Variants in CEACAM18 observed in about 807,000 individuals in gnomAD.
CEACAM18 encodes the protein CEA cell adhesion molecule 18.
CEACAM18 carries 33 observed loss-of-function variants against 34.3 expected under a neutral mutation model. The ratio of observed to expected loss-of-function variants is 0.96; its 90% confidence interval spans 0.73 to 1.29. CEACAM18 has a LOEUF of 1.29. Ranked by LOEUF, CEACAM18 falls within the 50% of genes most tolerant of loss-of-function variation. The probability of loss-of-function intolerance (pLI) is 0.00; values close to 1 mark genes in which losing one functional copy is unlikely to be tolerated. For missense variants in CEACAM18, 474 were observed against 485.0 expected, an observed-to-expected ratio of 0.98 and a Z score of 0.21; for synonymous variants, 169 against 180.9, an observed-to-expected ratio of 0.93 and a Z score of 0.53.
At chr19:51,485,494 C>A (rs76026565) in intron 5 of CEACAM18, among the ~76,000 whole-genome samples, 2,079 of 152,276 alleles carry the variant, frequency 0.014, 27 homozygotes, top group Middle Eastern at 0.082. Context: ...CAGGTATCAG[C>A]GGTGAACTAT....
In CEACAM18 at chr19:51,481,344, G is replaced by A. The variant is rs1599942466; in HGVS notation, c.401-49G>A. On this transcript the variant is annotated intron_variant, in intron 2 of 5. Transcript: ENST00000396477. ...GTCCCCTGGAGAGGAGCAGAGCTTG[G>A]GGAAGCAGACCCCACTTGTAATTTT... The A allele has an allele frequency of 4.6e-6, 5 of 1,078,496 alleles. No homozygotes were observed. In the East Asian group the frequency reaches 1.4e-4, roughly 30 times the overall value. 66.8% of individuals were successfully genotyped at this position (1,078,496 alleles called of 1,614,324 possible).
chr19:51,490,680 G>T lies in CEACAM18; in HGVS notation c.*28G>T, dbSNP rs1361956283. On this transcript the variant is annotated 3_prime_UTR_variant, in exon 6 of 6. Coordinates refer to ENST00000396477, the Ensembl canonical transcript of CEACAM18. ...AGAGGGTGATGGAGAAGGGCTGGGG[G>T]TCCCCATAGGGCCAGCGAGGCTGAA... 3 of 1,182,718 alleles carry T rather than the reference G, an allele frequency of 2.5e-6. No individual in the cohort carries two copies. The Admixed American group carries it at 1.3e-4, about 50-fold the overall frequency. The allele number at this position is 1,182,718 out of a possible 1,614,324, so 73.3% of individuals were successfully genotyped here. A position where few individuals can be genotyped will look rare whatever the true frequency, so the allele number is the denominator to read the frequency against.
intron 2 of CEACAM18, 51 bp downstream of exon 2, chr19:51,480,731 A>G: frequency 6.6e-7 from 1 of 1,504,654 alleles, no homozygotes; most frequent in Admixed American, 1.9e-5. Context: ...GCTAGATGTG[A>G]CACATTTGAG....
exon 2 of CEACAM18, chr19:51,480,338 C>A: frequency 1.2e-6 from 2 of 1,604,286 alleles, no homozygotes; most frequent in South Asian, 2.2e-5. Flanking sequence ...TTCAGCCAGT[C>A]TGCTGGCCTG....
chr19:51,489,593 G>A (rs1293375348), intron 5 of CEACAM18, among the ~76,000 whole-genome samples: 1 of 152,086 alleles, frequency 6.6e-6, no homozygotes, highest in Non-Finnish European at 1.5e-5. Context: ...TTTAGATATT[G>A]AGCCTATTTA....
chr19:51,488,053 C>T (rs1427628919), intron 5 of CEACAM18, among the ~76,000 whole-genome samples: 4 of 152,076 alleles, frequency 2.6e-5, no homozygotes, highest in Non-Finnish European at 5.9e-5. Context: ...CCAAACAAAA[C>T]CAGAAAAAGT....
chr19:51,490,763 C>A, exon 6 of CEACAM18: 1 of 533,316 alleles, frequency 1.9e-6, no homozygotes, highest in Non-Finnish European at 2.9e-6. Flanking sequence ...CCCAGTCACA[C>A]GGAAGCCTGG....
chr19:51,480,252 GGT>G (rs1989886866), intron 1 of CEACAM18, 79 bp from the exon 2 acceptor site: 5 of 1,159,760 alleles, frequency 4.3e-6, no homozygotes, highest in Non-Finnish European at 6.0e-6. Flanking sequence ...GTTCCCGGAT[GGT>G]GTCTTTTTTC....
chr19:51,490,522 T>C, intron 5 of CEACAM18, 65 bp from the exon 6 acceptor site: 1 of 1,222,042 alleles, frequency 8.2e-7, no homozygotes, highest in Non-Finnish European at 1.0e-6. Flanking sequence ...CCTCTCTCTA[T>C]CCAGGACTCT....
chr19:51,488,323 C>T (rs942134928), intron 5 of CEACAM18, among the ~76,000 whole-genome samples: 1 of 152,198 alleles, frequency 6.6e-6, no homozygotes, highest in African/African-American at 2.4e-5. Context: ...TGTGTACCAA[C>T]CCTTGTTCCA....
At position 51,479,389 on chromosome 19, in the gene CEACAM18, T is replaced by C. The variant is rs533411581; in HGVS notation, c.52+695T>C. Among the ~76,000 whole-genome samples, 4 of 152,322 alleles carry C rather than the reference T, an allele frequency of 2.6e-5. No homozygotes were observed. In the East Asian group the frequency reaches 7.7e-4, roughly 29 times the overall value. On this transcript the variant is annotated intron_variant, in intron 1 of 5. Coordinates refer to ENST00000396477, the Ensembl canonical transcript of CEACAM18. ...ATTTAGATGCAAAATCAAAGACATGTAGAAATTCTCGGGGGAGTATTTCTC... is the reference window on the plus strand; with the variant it reads ...ATTTAGATGCAAAATCAAAGACATGCAGAAATTCTCGGGGGAGTATTTCTC...
exon 2 of CEACAM18, chr19:51,480,536 C>G: frequency 6.2e-7 from 1 of 1,613,974 alleles, no homozygotes; most frequent in East Asian, 2.2e-5. Flanking sequence ...GCAGCCTGGG[C>G]CCATGTACAC....
intron 5 of CEACAM18, among the ~76,000 whole-genome samples, chr19:51,488,109 C>G (rs1483774686): frequency 6.6e-6 from 1 of 152,108 alleles, no homozygotes; most frequent in African/African-American, 2.4e-5. Context: ...CACCCCAACC[C>G]CAGGAACTAT....
chr19:51,490,869 A>T (rs1031983820), exon 6 of CEACAM18: 6 of 378,496 alleles, frequency 1.6e-5, no homozygotes, highest in East Asian at 3.8e-5. Flanking sequence ...TCTGCCAATC[A>T]GAGCTGGTCA....
chr19:51,485,123 G>A lies in CEACAM18; in HGVS notation c.1089+1G>A, dbSNP rs1471855958. ...CTCTGATCAACCACTACTCAATCAG[G>A]TGCCCTCATTGCTCTGGGACAAGGG... On this transcript the variant is annotated splice_donor_variant, in intron 5 of 5. Coordinates refer to ENST00000396477, the Ensembl canonical transcript of CEACAM18. LOFTEE classifies it high-confidence loss of function. 2.0e-6 allele frequency: 3 copies of A among 1,506,232 alleles called. No homozygotes were observed. The highest frequency in any genetic ancestry group is 1.4e-5 in the African/African-American group (1 of 72,318). The allele number at this position is 1,506,232 out of a possible 1,614,324, so 93.3% of individuals were successfully genotyped here.
chr19:51,480,648 C>T (rs1378535904), exon 2 of CEACAM18: 3 of 1,613,196 alleles, frequency 1.9e-6, no homozygotes, highest in East Asian at 4.5e-5. Context: ...GGCAATGAGA[C>T]CCAAAGAGCA....
In CEACAM18 at chr19:51,481,391, A is replaced by G. The variant is rs201531442; in HGVS notation, c.401-2A>G. Reference sequence around the variant, plus strand: ...TTTTTTTCTCTTTCCTGCTTCACCCAGAGTTGGGAAGCAATCTGGGCATCT... The same window carrying G: ...TTTTTTTCTCTTTCCTGCTTCACCCGGAGTTGGGAAGCAATCTGGGCATCT... On this transcript the variant is annotated splice_acceptor_variant, in intron 2 of 5. Coordinates refer to ENST00000396477, the Ensembl canonical transcript of CEACAM18. LOFTEE classifies it high-confidence loss of function. 6.0e-5 allele frequency: 96 copies of G among 1,613,224 alleles called. 1 individual carries two copies. The highest frequency in any genetic ancestry group is 7.6e-5 in the Non-Finnish European group (90 of 1,179,368).
chr19:51,480,330 C>T lies in CEACAM18; in HGVS notation c.53-3C>T. ...CTCTGTCTTTTTTCCTTGTCTTCTT[C>T]AGCCAGTCTGCTGGCCTGTGGGATC... On this transcript the variant is annotated splice_region_variant and splice_polypyrimidine_tract_variant and intron_variant, in intron 1 of 5. Transcript: ENST00000396477. 1.9e-6 allele frequency: 3 copies of T among 1,594,036 alleles called. No individual in the cohort carries two copies. Among genetic ancestry groups the T allele is most frequent in the Non-Finnish European group, 2.6e-6 (3 of 1,167,468 alleles).
chr19:51,489,248 G>A (rs959775086), intron 5 of CEACAM18, among the ~76,000 whole-genome samples: 8 of 150,264 alleles, frequency 5.3e-5, no homozygotes, highest in Middle Eastern at 6.9e-3. Context: ...TCAGTTTCTC[G>A]GTCCCCCCAC....
Sources: gnomAD v4.1 joint callset for allele counts (sites outside exome capture counted in the v4.1 genomes callset) on GRCh38, gnomAD v4.1.1 for gene constraint, MANE v1.5 for transcripts, NCBI Gene and HGNC (gene_info 2026-07-23, HGNC 2026-07-21) for gene names.